FRRS1: variants seen among roughly 807,000 people sequenced by gnomAD.
FRRS1 encodes the protein ferric chelate reductase 1.
FRRS1 carries 51 observed loss-of-function variants against 70.7 expected under a neutral mutation model. The ratio of observed to expected loss-of-function variants is 0.72; its 90% confidence interval spans 0.58 to 0.91. The LOEUF is 0.91. FRRS1 is among the 40% of genes least tolerant of loss of function. FRRS1 has a pLI of 0.00. For synonymous variants in FRRS1, 225 were observed against 238.7 expected (o/e 0.94, Z 0.53); for missense variants, 672 against 726.0 (o/e 0.93, Z 0.86).
chr1:99,715,758 A>T, intron 11 of FRRS1, 86 bp from the exon 12 acceptor site: 1 of 835,018 alleles, frequency 1.2e-6, no homozygotes, highest in Non-Finnish European at 2.0e-6. Flanking sequence ...GGAAAAGACT[A>T]TGGGGTAAGA....
intron 15 of FRRS1, among the ~76,000 whole-genome samples, chr1:99,709,486 G>A (rs1654174683): frequency 6.6e-6 from 1 of 152,104 alleles, no homozygotes; most frequent in Non-Finnish European, 1.5e-5. Context: ...CCTTCTTCTA[G>A]TCATTAAACA....
chr1:99,749,224 G>A (rs1656452376), intron 1 of FRRS1, among the ~76,000 whole-genome samples: 1 of 152,008 alleles, frequency 6.6e-6, no homozygotes, highest in Non-Finnish European at 1.5e-5. Context: ...TGGTAGAGAC[G>A]GAGTTACACC....
intron 1 of FRRS1, among the ~76,000 whole-genome samples, chr1:99,757,784 T>G: frequency 6.6e-6 from 1 of 152,168 alleles, no homozygotes; most frequent in East Asian, 1.9e-4. Context: ...TTGGCACAAG[T>G]GCAATATATT....
chr1:99,724,770 T>A (rs1254368880), intron 9 of FRRS1, among the ~76,000 whole-genome samples: 1 of 152,002 alleles, frequency 6.6e-6, no homozygotes, highest in Non-Finnish European at 1.5e-5. Context: ...TTTTGTTTTG[T>A]GTGCTTTGCA....
intron 7 of FRRS1, among the ~76,000 whole-genome samples, chr1:99,735,656 C>A (rs185740449): frequency 1.3e-5 from 2 of 152,204 alleles, no homozygotes; most frequent in African/African-American, 4.8e-5. Context: ...ACTGCACCTG[C>A]GTAATTAAGC....
chr1:99,756,418 C>T (rs750855440), intron 1 of FRRS1, among the ~76,000 whole-genome samples: 6 of 149,544 alleles, frequency 4.0e-5, no homozygotes, highest in Non-Finnish European at 8.8e-5. Flanking sequence ...CCATGTTCTA[C>T]ATATATCTCA....
intron 7 of FRRS1, among the ~76,000 whole-genome samples, chr1:99,731,972 C>T (rs1655410007): frequency 6.6e-6 from 1 of 152,096 alleles, no homozygotes; most frequent in Non-Finnish European, 1.5e-5. Context: ...GGCCTGAACC[C>T]TGATTTAAAC....
chr1:99,745,722 G>T (rs1656223949), intron 4 of FRRS1, among the ~76,000 whole-genome samples: 1 of 151,788 alleles, frequency 6.6e-6, no homozygotes, highest in African/African-American at 2.4e-5. Context: ...GATATAGTTT[G>T]GATATTTGTC....
intron 7 of FRRS1, among the ~76,000 whole-genome samples, chr1:99,733,545 C>G (rs1472586302): frequency 1.3e-5 from 2 of 152,190 alleles, no homozygotes; most frequent in African/African-American, 4.8e-5. Context: ...GGCACAGAAG[C>G]CTGCTTGAAA....
At chr1:99,736,141 A>G (rs1655645683) in intron 7 of FRRS1, among the ~76,000 whole-genome samples, 1 of 152,100 alleles carries the variant, frequency 6.6e-6, no homozygotes, top group Non-Finnish European at 1.5e-5. Flanking sequence ...GTCACATTTT[A>G]TTTTCAACTC....
chr1:99,713,776 TA>T (rs1405274146), intron 12 of FRRS1, among the ~76,000 whole-genome samples: 1 of 152,074 alleles, frequency 6.6e-6, no homozygotes, highest in Non-Finnish European at 1.5e-5. Context: ...TGAGCTGACA[TA>T]GTAGTGTTGG....
chr1:99,751,131 T>G (rs964176035), intron 1 of FRRS1, among the ~76,000 whole-genome samples: 30 of 152,198 alleles, frequency 2.0e-4, no homozygotes, highest in Non-Finnish European at 5.9e-5. Context: ...CTTCTTGATC[T>G]GAGACATCCC....
At chr1:99,745,683 C>CTAAATAAA (rs58780688) in intron 4 of FRRS1, among the ~76,000 whole-genome samples, 4 of 151,280 alleles carry the variant, frequency 2.6e-5, no homozygotes, top group South Asian at 2.1e-4. Flanking sequence ...GACTCTGTCT[C>CTAAATAAA]TAAATAAATA....
At chr1:99,738,601 G>A (rs1290986758) in intron 6 of FRRS1, among the ~76,000 whole-genome samples, 1 of 152,168 alleles carries the variant, frequency 6.6e-6, no homozygotes, top group Admixed American at 6.5e-5. Context: ...GTTTCTGATA[G>A]GTTTTGAGAA....
chr1:99,728,736 T>G, intron 8 of FRRS1, 96 bp from the exon 9 acceptor site: 1 of 990,170 alleles, frequency 1.0e-6, no homozygotes, highest in Admixed American at 2.1e-5. Context: ...TTCCTTTCTC[T>G]AAGATCGTAT....
chr1:99,748,540 C>A, intron 3 of FRRS1, 33 bp downstream of exon 3: 2 of 1,524,864 alleles, frequency 1.3e-6, no homozygotes, highest in Non-Finnish European at 9.0e-7. Flanking sequence ...AGAGTGAAAT[C>A]CAAAATGTAA....
intron 1 of FRRS1, among the ~76,000 whole-genome samples, chr1:99,762,223 G>A (rs1456895771): frequency 6.6e-6 from 1 of 152,150 alleles, no homozygotes; most frequent in Non-Finnish European, 1.5e-5. Context: ...AAAAAAGTGA[G>A]AATGGACTTT....
Position 99,716,945 on chromosome 1 carries a change from T to C in FRRS1, c.1236+465A>G, listed in dbSNP as rs139758963. Reference sequence around the variant, plus strand: ...CCATACAGGAGATAGATGATCCCAATTGATGAGTTAATCTAACATTCAATG... The same window carrying C: ...CCATACAGGAGATAGATGATCCCAACTGATGAGTTAATCTAACATTCAATG... On this transcript the variant is annotated intron_variant, in intron 11 of 16. Transcript: ENST00000646001. Among the ~76,000 whole-genome samples, 640 of 152,330 alleles carry C rather than the reference T, an allele frequency of 4.2e-3. 3 individuals carry two copies. Among genetic ancestry groups the C allele is most frequent in the Non-Finnish European group, 6.3e-3 (432 of 68,032 alleles).
chr1:99,741,616 G>A (rs1273517004), intron 5 of FRRS1, among the ~76,000 whole-genome samples: 3 of 152,216 alleles, frequency 2.0e-5, no homozygotes, highest in Admixed American at 1.3e-4. Flanking sequence ...TGAGAGGCAT[G>A]CAGTCTTTCT....
Sources: allele counts gnomAD v4.1 joint callset (sites outside exome capture counted in the v4.1 genomes callset), GRCh38; gene constraint gnomAD v4.1.1; transcripts MANE v1.5; gene names NCBI Gene and HGNC (gene_info 2026-07-23, HGNC 2026-07-21).